Variants in GRID2 observed in about 807,000 individuals in gnomAD.
GRID2 encodes glutamate ionotropic receptor delta type subunit 2.
In GRID2, 33 loss-of-function variants were observed where a neutral mutation model predicts 114.8. The observed-to-expected ratio is 0.29, with a 90% confidence interval of 0.22 to 0.38. GRID2 has a LOEUF of 0.38. GRID2 is among the 10% of genes least tolerant of loss of function. The pLI, the probability that GRID2 is intolerant of heterozygous loss-of-function variation, is 1.00. For missense variants in GRID2, 1,184 were observed against 1,257.7 expected (o/e 0.94, Z 0.89); for synonymous variants, 505 against 449.9 (o/e 1.12, Z -1.55).
intron 8 of GRID2, among the ~76,000 whole-genome samples, chr4:93,317,188 A>G (rs140325681): frequency 6.6e-6 from 1 of 152,158 alleles, no homozygotes; most frequent in African/African-American, 2.4e-5. Context: ...CACCAGATGG[A>G]ATTAAATGAA....
At chr4:92,870,975 A>G (rs962589225) in intron 2 of GRID2, among the ~76,000 whole-genome samples, 2 of 152,180 alleles carry the variant, frequency 1.3e-5, no homozygotes, top group African/African-American at 4.8e-5. Context: ...CAAAAGTGCT[A>G]AATAAAAAAT....
At chr4:92,321,374 G>C (rs115652550) in intron 1 of GRID2, among the ~76,000 whole-genome samples, 1 of 152,260 alleles carries the variant, frequency 6.6e-6, no homozygotes, top group South Asian at 2.1e-4. Context: ...TTGTGTGTGC[G>C]CAAAAACACT....
chr4:92,667,371 A>G (rs1317906500), intron 2 of GRID2, among the ~76,000 whole-genome samples: 1 of 151,688 alleles, frequency 6.6e-6, no homozygotes, highest in African/African-American at 2.4e-5. Flanking sequence ...GGGTCAGCAG[A>G]CTTTTTATTG....
At chr4:92,336,798 ATGC>A (rs1452469956) in intron 1 of GRID2, among the ~76,000 whole-genome samples, 4 of 151,976 alleles carry the variant, frequency 2.6e-5, no homozygotes, top group Admixed American at 6.6e-5. Flanking sequence ...CAAAGGTGTC[ATGC>A]TGCTTCTTCT....
intron 2 of GRID2, among the ~76,000 whole-genome samples, chr4:92,944,389 TCTC>T (rs1751441182): frequency 1.3e-5 from 2 of 152,192 alleles, no homozygotes; most frequent in South Asian, 2.1e-4. Context: ...CTGGATATAA[TCTC>T]CTGGTGTCCT....
intron 2 of GRID2, among the ~76,000 whole-genome samples, chr4:92,974,379 C>G (rs1450102742): frequency 2.6e-5 from 4 of 152,072 alleles, no homozygotes; most frequent in Non-Finnish European, 5.9e-5. Flanking sequence ...GATAAAGACA[C>G]ATGTACATGT....
At chr4:93,361,986 T>A (rs150293908) in intron 8 of GRID2, among the ~76,000 whole-genome samples, 152 of 152,086 alleles carry the variant, frequency 1.0e-3, no homozygotes, top group African/African-American at 3.2e-3. Flanking sequence ...ATGCTTTCCT[T>A]CCCCCTTCCC....
chr4:93,701,748 G>A (rs1297883979), intron 14 of GRID2, among the ~76,000 whole-genome samples: 3 of 151,922 alleles, frequency 2.0e-5, no homozygotes, highest in Non-Finnish European at 4.4e-5. Context: ...CAGATACTTG[G>A]GAGGCTGAGG....
intron 2 of GRID2, among the ~76,000 whole-genome samples, chr4:92,763,036 T>C: frequency 6.6e-6 from 1 of 152,192 alleles, no homozygotes; most frequent in South Asian, 2.1e-4. Context: ...AAGTAGCTTT[T>C]AAAAAGAGTA....
chr4:92,836,208 C>G (rs11726990), intron 2 of GRID2, among the ~76,000 whole-genome samples: 1 of 152,120 alleles, frequency 6.6e-6, no homozygotes, highest in Non-Finnish European at 1.5e-5. Flanking sequence ...TATTTACAAT[C>G]TTGTCCTTTA....
At chr4:92,908,347 A>G (rs1748111566) in intron 2 of GRID2, among the ~76,000 whole-genome samples, 1 of 152,208 alleles carries the variant, frequency 6.6e-6, no homozygotes, top group Admixed American at 6.5e-5. Flanking sequence ...ATTATGAGTA[A>G]CATTATGGTA....
chr4:93,484,451 T>A (rs985558657), intron 11 of GRID2, among the ~76,000 whole-genome samples: 15 of 151,886 alleles, frequency 9.9e-5, no homozygotes, highest in Admixed American at 2.0e-4. Flanking sequence ...TTTTATTGTT[T>A]GTGTTCAAAA....
At chr4:92,346,337 T>G (rs1727758680) in intron 1 of GRID2, among the ~76,000 whole-genome samples, 1 of 152,178 alleles carries the variant, frequency 6.6e-6, no homozygotes, top group Non-Finnish European at 1.5e-5. Context: ...ATGGTATAAT[T>G]TGACTCATAT....
chr4:93,139,368 C>T (rs1007761103), intron 4 of GRID2, among the ~76,000 whole-genome samples: 1 of 152,092 alleles, frequency 6.6e-6, no homozygotes, highest in Non-Finnish European at 1.5e-5. Context: ...CATTATTCTC[C>T]CCATTGGCTG....
chr4:92,350,456 T>G (rs961258086), intron 1 of GRID2, among the ~76,000 whole-genome samples: 1 of 151,852 alleles, frequency 6.6e-6, no homozygotes, highest in Non-Finnish European at 1.5e-5. Flanking sequence ...AATTATAATT[T>G]TAAACATTTG....
chr4:93,620,856 C>T (rs935911582), intron 13 of GRID2, among the ~76,000 whole-genome samples: 19 of 152,112 alleles, frequency 1.2e-4, no homozygotes, highest in Non-Finnish European at 7.4e-5. Context: ...TTGGGGTTTT[C>T]TTATACAGCT....
chr4:92,503,584 C>T (rs894596754), intron 1 of GRID2, among the ~76,000 whole-genome samples: 2 of 152,110 alleles, frequency 1.3e-5, no homozygotes, highest in African/African-American at 2.4e-5. Context: ...CTGTGCTTCT[C>T]AATCCAATGC....
intron 2 of GRID2, among the ~76,000 whole-genome samples, chr4:92,633,089 C>T (rs964310126): frequency 6.6e-6 from 1 of 152,118 alleles, no homozygotes; most frequent in South Asian, 2.1e-4. Flanking sequence ...GTCCCACAGA[C>T]GTGAAGTGAC....
At chr4:92,791,354 T>C (rs1002379658) in intron 2 of GRID2, among the ~76,000 whole-genome samples, 1 of 151,752 alleles carries the variant, frequency 6.6e-6, no homozygotes, top group Non-Finnish European at 1.5e-5. Flanking sequence ...TAGGAATACC[T>C]TCCTCTTAGG....
Sources: allele counts gnomAD v4.1 joint callset (sites outside exome capture counted in the v4.1 genomes callset), GRCh38; gene constraint gnomAD v4.1.1; transcripts MANE v1.5; gene names NCBI Gene and HGNC (gene_info 2026-07-23, HGNC 2026-07-21).